Variants in MIS18A observed in about 807,000 individuals in gnomAD.
The protein encoded by MIS18A is MIS18 kinetochore protein A.
In MIS18A, 14 loss-of-function variants were observed where a neutral mutation model predicts 25.0. That is an observed-to-expected ratio of 0.56 (90% CI 0.37 to 0.88). The LOEUF is 0.88. Ranked by LOEUF, MIS18A falls within the 40% of genes least tolerant of loss-of-function variation. The pLI, the probability that MIS18A is intolerant of heterozygous loss-of-function variation, is 0.00. For missense variants in MIS18A, 292 were observed against 290.8 expected, an observed-to-expected ratio of 1.00 and a Z score of -0.03; for synonymous variants, 134 against 118.6, an observed-to-expected ratio of 1.13 and a Z score of -0.84.
the MIS18A span, among the ~76,000 whole-genome samples, chr21:32,160,604 G>T: frequency 8.2e-3 from 1,250 of 151,952 alleles, 15 homozygotes; most frequent in African/African-American, 0.024. Context: ...TCTAAGCAGG[G>T]AGGGAGCTTC....
the MIS18A span, among the ~76,000 whole-genome samples, chr21:32,177,628 A>G: frequency 6.6e-6 from 1 of 152,172 alleles, no homozygotes; most frequent in African/African-American, 2.4e-5. Flanking sequence ...ATTGTATTTT[A>G]TATATAAGGA....
chr21:32,217,990 G>A, the MIS18A span, among the ~76,000 whole-genome samples: 5 of 151,780 alleles, frequency 3.3e-5, no homozygotes, highest in African/African-American at 4.8e-5. Context: ...TCAGGAGATC[G>A]ATACCATCCT....
the MIS18A span, among the ~76,000 whole-genome samples, chr21:32,157,696 ATTGT>A: frequency 6.6e-6 from 1 of 151,756 alleles, no homozygotes; most frequent in African/African-American, 2.4e-5. Context: ...GTTGCCCTAG[ATTGT>A]TTATTTTTTT....
At chr21:32,265,052 C>A (rs1178752787), downstream of MIS18A, among the ~76,000 whole-genome samples, 1 of 152,212 alleles carries the variant, frequency 6.6e-6, no homozygotes, top group African/African-American at 2.4e-5. Context: ...TAGGGAGTGC[C>A]CTTTATGAGA....
the MIS18A span, among the ~76,000 whole-genome samples, chr21:32,239,878 T>C: frequency 1.3e-5 from 2 of 152,218 alleles, no homozygotes; most frequent in Admixed American, 1.3e-4. Flanking sequence ...GAGAAAATCT[T>C]TGGTGGTTTC....
At chr21:32,199,089 G>A in the MIS18A span, among the ~76,000 whole-genome samples, 3 of 152,160 alleles carry the variant, frequency 2.0e-5, no homozygotes, top group South Asian at 2.1e-4. Flanking sequence ...GGCGGGCATG[G>A]GGTCAGGCTA....
At chr21:32,257,591 C>T in the MIS18A span, among the ~76,000 whole-genome samples, 71,762 of 152,040 alleles carry the variant, frequency 0.47, 18,913 homozygotes, top group African/African-American at 0.72. Context: ...AAATCAATAC[C>T]TAATTAAAAT....
At chr21:32,197,669 AG>A in the MIS18A span, 1 of 152,244 alleles carries the variant, frequency 6.6e-6, no homozygotes, top group Non-Finnish European at 1.5e-5. Context: ...AGCACAGCAG[AG>A]GAAAAGTTTC....
chr21:32,255,260 T>C, the MIS18A span, among the ~76,000 whole-genome samples: 1 of 151,916 alleles, frequency 6.6e-6, no homozygotes, highest in Non-Finnish European at 1.5e-5. Context: ...AGACGGAGTC[T>C]TGCTCTATTG....
the MIS18A span, among the ~76,000 whole-genome samples, chr21:32,161,519 G>A: frequency 6.6e-5 from 10 of 151,730 alleles, no homozygotes; most frequent in Non-Finnish European, 1.5e-4. Flanking sequence ...GAGACGGAGT[G>A]TCACTCTGTC....
the MIS18A span, among the ~76,000 whole-genome samples, chr21:32,180,102 A>G: frequency 6.6e-6 from 1 of 152,200 alleles, no homozygotes. Context: ...AAAGCCCTAA[A>G]TTCAGCAAAG....
chr21:32,263,402 C>T (rs2031540363), downstream of MIS18A, among the ~76,000 whole-genome samples: 1 of 152,052 alleles, frequency 6.6e-6, no homozygotes, highest in Non-Finnish European at 1.5e-5. Flanking sequence ...TTGAGACCAG[C>T]CTGGCCAACA....
chr21:32,165,747 T>C, the MIS18A span, among the ~76,000 whole-genome samples: 1 of 152,194 alleles, frequency 6.6e-6, no homozygotes, highest in Non-Finnish European at 1.5e-5. Flanking sequence ...CACGTTTGAA[T>C]GATGAGAGCT....
Position 32,278,351 on chromosome 21 carries a change from C to G in MIS18A, c.334+330G>C, listed in dbSNP as rs2031856532. ...TGGCTGCACCTCAAGTGCTTACAGT[C>G]TAGTTGACCATTTGTTTCTCTTTTT... On this transcript the variant is annotated intron_variant, in intron 1 of 4. Coordinates refer to ENST00000290130, the MANE Select transcript of MIS18A (RefSeq NM_018944.3). 3 of 356,844 alleles carry G rather than the reference C, an allele frequency of 8.4e-6. No individual in the cohort carries two copies. The East Asian group carries it at 1.6e-4, about 19-fold the overall frequency. The allele number at this position is 356,844 out of a possible 1,614,324, so 22.1% of individuals were successfully genotyped here.
the MIS18A span, among the ~76,000 whole-genome samples, chr21:32,226,296 A>G: frequency 2.0e-5 from 3 of 152,054 alleles, no homozygotes; most frequent in Admixed American, 6.6e-5. Context: ...AAAAAGAAAA[A>G]AAAAAGTTTT....
chr21:32,163,039 C>T, the MIS18A span, among the ~76,000 whole-genome samples: 2 of 152,162 alleles, frequency 1.3e-5, no homozygotes, highest in African/African-American at 2.4e-5. Context: ...GGAAAAGTCC[C>T]ATCATAAACT....
the MIS18A span, among the ~76,000 whole-genome samples, chr21:32,242,537 A>C: frequency 6.6e-6 from 1 of 152,180 alleles, no homozygotes; most frequent in African/African-American, 2.4e-5. Context: ...GGAGCACAGC[A>C]AAAATGTCTC....
chr21:32,274,982 A>G, intron 1 of MIS18A, 86 bp from the exon 2 acceptor site: 1 of 1,134,840 alleles, frequency 8.8e-7, no homozygotes, highest in Non-Finnish European at 1.3e-6. Flanking sequence ...CCAACTTTTT[A>G]GAACTCGGAG....
chr21:32,227,287 G>T, the MIS18A span, among the ~76,000 whole-genome samples: 2 of 151,398 alleles, frequency 1.3e-5, no homozygotes, highest in South Asian at 2.1e-4. Flanking sequence ...AAGTTGATAA[G>T]ATCAACAAAA....
Sources: allele counts gnomAD v4.1 joint callset (sites outside exome capture counted in the v4.1 genomes callset), GRCh38; gene constraint gnomAD v4.1.1; transcripts MANE v1.5; gene names NCBI Gene and HGNC (gene_info 2026-07-23, HGNC 2026-07-21).